SAMD12: variants seen among roughly 807,000 people sequenced by gnomAD.
The protein encoded by SAMD12 is sterile alpha motif domain-containing protein 12.
A neutral mutation model predicts 15.0 loss-of-function variants in SAMD12; 9 were observed. The observed-to-expected ratio is 0.60, with a 90% CI of 0.36 to 1.05. The LOEUF (loss-of-function observed/expected upper bound fraction) is 1.05, where lower values mean the gene tolerates loss of function less well. Ranked by LOEUF, SAMD12 falls within the 50% of genes least tolerant of loss-of-function variation. The pLI is 0.01. For missense variants in SAMD12, 230 were observed against 234.2 expected (o/e 0.98, Z 0.12); for synonymous variants, 86 against 90.1 (o/e 0.96, Z 0.25).
rs1295413804 is a variant in SAMD12, at chr8:118,580,751, A to C, written c.156T>G (p.Thr52=). ...CAGCTTCTGCCTGCAGTCGCTTGGG[A>C]GTTCCTTTCTGGTCAGGCACCTTCT... The part of the protein sequence containing the change: ...NFQKVPDQKG[T]PKRLQAEAET... Residue 52 remains threonine (T), a synonymous_variant, in exon 2 of 4, where the codon ACT becomes ACG. Coordinates refer to ENST00000314727, the MANE Select transcript of SAMD12 (RefSeq NM_207506.3). 2 of 1,612,984 alleles carry C rather than the reference A, an allele frequency of 1.2e-6. No homozygotes were observed. The highest frequency in any genetic ancestry group is 1.7e-5 in the Admixed American group (1 of 59,932).
intron 3 of SAMD12, among the ~76,000 whole-genome samples, chr8:118,389,261 T>C (rs1820140171): frequency 6.6e-6 from 1 of 152,248 alleles, no homozygotes. Context: ...TTAATCTGAC[T>C]GCATATTTAT....
chr8:118,390,094 C>T (rs1820188830), intron 3 of SAMD12, among the ~76,000 whole-genome samples: 1 of 152,100 alleles, frequency 6.6e-6, no homozygotes, highest in Admixed American at 6.5e-5. Context: ...GCAAGCTCTG[C>T]CTTCTGGGTT....
the SAMD12 span, among the ~76,000 whole-genome samples, chr8:118,175,409 A>T: frequency 6.6e-6 from 1 of 152,256 alleles, no homozygotes; most frequent in Non-Finnish European, 1.5e-5. Flanking sequence ...AACCTAGGAA[A>T]TACCATTCTG....
chr8:118,618,347 GA>G (rs1237690857), intron 1 of SAMD12, among the ~76,000 whole-genome samples: 1 of 152,148 alleles, frequency 6.6e-6, no homozygotes, highest in Non-Finnish European at 1.5e-5. Flanking sequence ...GTTTACTTAA[GA>G]AAAAGTTACA....
the SAMD12 span, among the ~76,000 whole-genome samples, chr8:118,164,576 T>C: frequency 6.6e-6 from 1 of 152,160 alleles, no homozygotes; most frequent in African/African-American, 2.4e-5. Context: ...TTTTTGCTAT[T>C]AGTAGGTGAC....
At chr8:118,320,837 A>AT (rs548422605) in intron 4 of SAMD12, among the ~76,000 whole-genome samples, 13,111 of 136,584 alleles carry the variant, frequency 0.096, 764 homozygotes, top group Non-Finnish European at 0.12. Flanking sequence ...ATATATATAT[A>AT]AAAATCTATA....
At chr8:118,233,200 C>G (rs865964264) in intron 4 of SAMD12, among the ~76,000 whole-genome samples, 1 of 152,114 alleles carries the variant, frequency 6.6e-6, no homozygotes, top group Non-Finnish European at 1.5e-5. Flanking sequence ...TTGGCACCCA[C>G]AGTTAAGGCA....
intron 2 of SAMD12, among the ~76,000 whole-genome samples, chr8:118,451,546 G>T (rs539260802): frequency 4.3e-5 from 6 of 140,104 alleles, no homozygotes; most frequent in African/African-American, 1.9e-4. Context: ...GTGTTGTGAA[G>T]ATCAAATCAA....
At chr8:118,333,862 CTG>C (rs145282821) in intron 4 of SAMD12, among the ~76,000 whole-genome samples, 96 of 141,300 alleles carry the variant, frequency 6.8e-4, no homozygotes, top group African/African-American at 9.2e-4. Flanking sequence ...GGGGGTATGT[CTG>C]TGTGTGTGTG....
the SAMD12 span, among the ~76,000 whole-genome samples, chr8:118,172,009 A>G: frequency 1.3e-5 from 2 of 152,166 alleles, no homozygotes; most frequent in Admixed American, 1.3e-4. Context: ...GCAAGGACAG[A>G]AAACCAAACA....
chr8:118,328,008 C>T (rs1816641794), intron 4 of SAMD12, among the ~76,000 whole-genome samples: 1 of 152,146 alleles, frequency 6.6e-6, no homozygotes, highest in Non-Finnish European at 1.5e-5. Flanking sequence ...TATTTATAAG[C>T]AAATATATAA....
chr8:118,156,802 G>A, the SAMD12 span, among the ~76,000 whole-genome samples: 1 of 152,210 alleles, frequency 6.6e-6, no homozygotes, highest in East Asian at 1.9e-4. Flanking sequence ...TCTGAGTAGA[G>A]TGACATTCCT....
chr8:118,531,175 T>C (rs1476435220), intron 2 of SAMD12, among the ~76,000 whole-genome samples: 1 of 152,250 alleles, frequency 6.6e-6, no homozygotes, highest in Non-Finnish European at 1.5e-5. Flanking sequence ...GCACCATTTA[T>C]TCAATAGGGA....
chr8:118,182,449 T>A, the SAMD12 span, among the ~76,000 whole-genome samples: 1 of 152,250 alleles, frequency 6.6e-6, no homozygotes, highest in Non-Finnish European at 1.5e-5. Context: ...TTAATAAAGA[T>A]GACCAAAGTG....
chr8:118,158,338 G>A, the SAMD12 span, among the ~76,000 whole-genome samples: 2 of 152,232 alleles, frequency 1.3e-5, no homozygotes, highest in Non-Finnish European at 2.9e-5. Context: ...GATGGCAGGA[G>A]TGGCCTGTCT....
intron 2 of SAMD12, among the ~76,000 whole-genome samples, chr8:118,499,065 A>G (rs1359197473): frequency 6.6e-6 from 1 of 152,220 alleles, no homozygotes; most frequent in Non-Finnish European, 1.5e-5. Context: ...CCACATCTGT[A>G]CGACTTAACA....
At chr8:118,332,770 G>C (rs1586545806) in intron 4 of SAMD12, among the ~76,000 whole-genome samples, 1 of 152,048 alleles carries the variant, frequency 6.6e-6, no homozygotes, top group South Asian at 2.1e-4. Flanking sequence ...CCTCATACTT[G>C]CCCCATCACA....
chr8:118,134,412 C>A, the SAMD12 span, among the ~76,000 whole-genome samples: 1 of 152,146 alleles, frequency 6.6e-6, no homozygotes, highest in Non-Finnish European at 1.5e-5. Flanking sequence ...GGATTTGAGA[C>A]CTTAATTATC....
chr8:118,580,235 A>C (rs1268606669), intron 2 of SAMD12, among the ~76,000 whole-genome samples: 1 of 152,192 alleles, frequency 6.6e-6, no homozygotes, highest in Admixed American at 6.6e-5. Flanking sequence ...GCTATTACTA[A>C]TTAACAATAC....
Sources: gnomAD v4.1 joint callset for allele counts (sites outside exome capture counted in the v4.1 genomes callset) on GRCh38, gnomAD v4.1.1 for gene constraint, MANE v1.5 for transcripts, NCBI Gene and HGNC (gene_info 2026-07-23, HGNC 2026-07-21) for gene names.